The following ABAT variants were observed in gnomAD, a reference collection of about 807,000 sequenced individuals.
ABAT encodes the protein 4-aminobutyrate aminotransferase.
Under a neutral mutation model 64.6 loss-of-function variants are expected in ABAT, and 45 were observed. That is an observed-to-expected ratio of 0.70 (90% CI 0.55 to 0.89). ABAT has a LOEUF of 0.89. ABAT is among the 40% of genes least tolerant of loss of function. ABAT has a pLI of 0.00. For synonymous variants in ABAT, 297 were observed against 250.5 expected (o/e 1.19, Z -1.75); for missense variants, 633 against 658.4 (o/e 0.96, Z 0.42).
intron 1 of ABAT, among the ~76,000 whole-genome samples, chr16:8,690,374 C>G (rs925846600): frequency 1.3e-5 from 2 of 152,214 alleles, no homozygotes; most frequent in Non-Finnish European, 2.9e-5. Context: ...GATTCCTACT[C>G]TATGGATAAG....
intron 1 of ABAT, among the ~76,000 whole-genome samples, chr16:8,710,753 C>G (rs536002008): frequency 1.5e-5 from 2 of 135,176 alleles, no homozygotes; most frequent in Admixed American, 1.6e-4. Flanking sequence ...GGAGCAAGCA[C>G]CTTCACATCT....
intron 1 of ABAT, among the ~76,000 whole-genome samples, chr16:8,690,044 G>A (rs1243733905): frequency 6.6e-6 from 1 of 152,194 alleles, no homozygotes; most frequent in Non-Finnish European, 1.5e-5. Context: ...GTTGCTTCTT[G>A]GCAGGAGAAG....
chr16:8,758,835 C>T (rs1439821443), intron 6 of ABAT, among the ~76,000 whole-genome samples: 6 of 152,166 alleles, frequency 3.9e-5, no homozygotes, highest in South Asian at 2.1e-4. Context: ...CGGTGGCTCA[C>T]GCCTGTAATC....
Position 8,779,626 on chromosome 16 carries a change from C to T in ABAT, c.1381+36C>T, listed in dbSNP as rs377632272. 1.9e-6 allele frequency: 3 copies of T among 1,548,696 alleles called. No individual in the cohort carries two copies. The Admixed American group carries it at 5.0e-5, about 26-fold the overall frequency. ...AGGAGTGGCTGCTGAGTTTCATGAG[C>T]ATCCAGTATCTCCTGCTGTAGCTGC... On this transcript the variant is annotated intron_variant, in intron 15 of 15. Transcript: ENST00000268251.
Position 8,774,892 on chromosome 16 carries a change from T to G in ABAT, c.957T>G (p.His319Gln), listed in dbSNP as rs886052431. The G allele has an allele frequency of 2.5e-6, 4 of 1,614,024 alleles. No homozygotes were observed. Among genetic ancestry groups the G allele is most frequent in the Non-Finnish European group, 3.4e-6 (4 of 1,180,020 alleles). ...CCTCCTCTCTCTTCTCCGGCCAGCATGGCTGCGCCTTCTTGGTGGACGAGG... is the reference window on the plus strand; with the variant it reads ...CCTCCTCTCTCTTCTCCGGCCAGCAGGGCTGCGCCTTCTTGGTGGACGAGG... ...FRKLRDIARKHGCAFLVDEVQ... is the reference protein window; with the variant it reads ...FRKLRDIARKQGCAFLVDEVQ... Residue 319 changes from histidine (H) to glutamine (Q), a missense_variant and splice_region_variant, in exon 13 of 16, where the codon CAT (histidine) becomes CAG (glutamine). His to Gln is a conservative substitution (Grantham distance 24). Transcript: ENST00000268251.
chr16:8,773,143 CACACAT>C lies in ABAT; in HGVS notation c.954+228_954+233del, dbSNP rs1341501001. 5.0e-3 allele frequency among the ~76,000 whole-genome samples: 616 copies of C among 123,728 alleles called. 2 individuals are homozygous for C. Among genetic ancestry groups the C allele is most frequent in the Middle Eastern group, 0.017 (4 of 230 alleles). The allele number at this position is 123,728 out of a possible 152,430, so 81.2% of individuals were successfully genotyped here. Reference sequence around the variant, plus strand: ...ACACACACACACACACACACACACACACACATATATATATATTTTTTTTTTTGAGAC... The same window carrying C: ...ACACACACACACACACACACACACACATATATATATTTTTTTTTTTGAGAC... On this transcript the variant is annotated intron_variant, in intron 12 of 15. Transcript: ENST00000268251.
intron 9 of ABAT, among the ~76,000 whole-genome samples, chr16:8,767,956 G>A (rs553497954): frequency 1.3e-5 from 2 of 151,736 alleles, no homozygotes; most frequent in Non-Finnish European, 2.9e-5. Flanking sequence ...GATTACAGGT[G>A]TGAGCCACCA....
chr16:8,696,450 C>A (rs772739263), intron 1 of ABAT, among the ~76,000 whole-genome samples: 1 of 152,160 alleles, frequency 6.6e-6, no homozygotes, highest in Non-Finnish European at 1.5e-5. Flanking sequence ...TGATGAAGCC[C>A]TGTCTCTACT....
At chr16:8,728,727 A>C (rs2058630433) in intron 1 of ABAT, among the ~76,000 whole-genome samples, 1 of 152,152 alleles carries the variant, frequency 6.6e-6, no homozygotes, top group Admixed American at 6.5e-5. Context: ...TACACAAATT[A>C]GCCAGGTGTG....
intron 2 of ABAT, among the ~76,000 whole-genome samples, chr16:8,742,211 C>T (rs1483955438): frequency 3.9e-5 from 6 of 152,152 alleles, no homozygotes; most frequent in South Asian, 2.1e-4. Flanking sequence ...TGCTCATTAT[C>T]GCAGTTCCAC....
rs991323958 is a variant in ABAT, at chr16:8,774,825, G to A, written c.955-65G>A. 2.1e-5 allele frequency: 34 copies of A among 1,600,342 alleles called. No individual in the cohort carries two copies. In the African/African-American group the frequency reaches 3.9e-4, roughly 18 times the overall value. ...CAGGGTTTGGCAGTTAGCTGGCTAT[G>A]GAGGGCATGAATTTCTGGCCTCCCA... On this transcript the variant is annotated intron_variant, in intron 12 of 15. Coordinates refer to ENST00000268251, the MANE Select transcript of ABAT (RefSeq NM_020686.6).
chr16:8,737,533 G>A (rs554819685), intron 2 of ABAT: 5 of 151,772 alleles, frequency 3.3e-5, no homozygotes, highest in African/African-American at 1.2e-4. Context: ...GATTTACAGA[G>A]AAGTTACAAA....
intron 2 of ABAT, among the ~76,000 whole-genome samples, chr16:8,742,743 G>A (rs1256869682): frequency 6.6e-6 from 1 of 151,668 alleles, no homozygotes. Flanking sequence ...ACGCATGCCT[G>A]TGATCCCAGC....
chr16:8,689,628 G>A (rs144741416), intron 1 of ABAT, among the ~76,000 whole-genome samples: 2 of 152,334 alleles, frequency 1.3e-5, no homozygotes, highest in South Asian at 2.1e-4. Context: ...GGCCACAAAG[G>A]GGAGCTGTGT....
At position 8,768,923 on chromosome 16, in the gene ABAT, G is replaced by C. The variant is rs150277326; in HGVS notation, c.766G>C (p.Glu256Gln). 3.1e-6 allele frequency: 5 copies of C among 1,614,150 alleles called. No individual in the cohort carries two copies. Among genetic ancestry groups the C allele is most frequent in the Non-Finnish European group, 3.4e-6 (4 of 1,180,038 alleles). Residue 256 changes from glutamate to glutamine, a missense_variant, in exon 11 of 16, where the codon GAA becomes CAA. Transcript: ENST00000268251. ...APFPRLKYPL[E>Q]EFVKENQQEE... The stretch of plus-strand genomic sequence containing the variant: ...GTTCCCACGGCTGAAATACCCTCTG[G>C]AAGAGTTTGTGAAAGAGAACCAACA...
At chr16:8,685,718 CA>C (rs1179609892) in intron 1 of ABAT, among the ~76,000 whole-genome samples, 1 of 151,654 alleles carries the variant, frequency 6.6e-6, no homozygotes, top group Admixed American at 6.6e-5. Flanking sequence ...ATCGAAAAAA[CA>C]AAAAAACAAA....
intron 1 of ABAT, among the ~76,000 whole-genome samples, chr16:8,681,744 C>T (rs930366718): frequency 6.6e-6 from 1 of 150,844 alleles, no homozygotes; most frequent in African/African-American, 2.4e-5. Flanking sequence ...CGGGTTCAAG[C>T]GATTCTCCTG....
At chr16:8,702,452 C>T (rs567676368) in intron 1 of ABAT, among the ~76,000 whole-genome samples, 2 of 152,194 alleles carry the variant, frequency 1.3e-5, no homozygotes, top group East Asian at 3.9e-4. Context: ...AGTGTTTCAC[C>T]CTGTTGGCCA....
intron 1 of ABAT, among the ~76,000 whole-genome samples, chr16:8,732,996 C>G (rs1596436482): frequency 6.7e-6 from 1 of 148,932 alleles, no homozygotes; most frequent in East Asian, 2.0e-4. Flanking sequence ...CCACCTCCCT[C>G]CCGGACGGGG....
Sources: allele counts gnomAD v4.1 joint callset (sites outside exome capture counted in the v4.1 genomes callset), GRCh38; gene constraint gnomAD v4.1.1; transcripts MANE v1.5; gene names NCBI Gene and HGNC (gene_info 2026-07-23, HGNC 2026-07-21).